The following MON2 variants were observed in gnomAD, a reference collection of about 807,000 sequenced individuals.
MON2 encodes MON2 regulator of endosome-to-Golgi trafficking.
MON2 carries 84 observed loss-of-function variants against 208.6 expected under a neutral mutation model. The observed-to-expected ratio is 0.40, with a 90% CI of 0.34 to 0.48. The LOEUF (loss-of-function observed/expected upper bound fraction) is 0.48. MON2 is among the 20% of genes least tolerant of loss of function. MON2 has a pLI of 0.59. For synonymous variants in MON2, 660 were observed against 694.0 expected, an observed-to-expected ratio of 0.95 and a Z score of 0.77; for missense variants, 1,611 against 2,015.4, an observed-to-expected ratio of 0.80 and a Z score of 3.84.
intron 3 of MON2, 49 bp downstream of exon 3, chr12:62,494,091 T>A: frequency 6.6e-7 from 1 of 1,522,188 alleles, no homozygotes. Context: ...GAATCAGAAG[T>A]TTTCATGAAA....
intron 23 of MON2, among the ~76,000 whole-genome samples, chr12:62,552,662 A>T (rs1263300275): frequency 6.6e-6 from 1 of 152,034 alleles, no homozygotes; most frequent in African/African-American, 2.4e-5. Flanking sequence ...AAAAAAAAAA[A>T]AGTTAGCTCA....
At chr12:62,564,106 C>T (rs2074288998) in intron 26 of MON2, among the ~76,000 whole-genome samples, 1 of 152,010 alleles carries the variant, frequency 6.6e-6, no homozygotes, top group Admixed American at 6.6e-5. Flanking sequence ...AATTATAGGA[C>T]AATCACACTT....
At chr12:62,502,407 T>TTA (rs2070888241) in intron 7 of MON2, among the ~76,000 whole-genome samples, 1 of 135,392 alleles carries the variant, frequency 7.4e-6, no homozygotes, top group Non-Finnish European at 1.6e-5. Context: ...TTTCTTAAAT[T>TTA]AAAAAAAAAA....
intron 11 of MON2, among the ~76,000 whole-genome samples, chr12:62,530,854 A>G (rs1250998450): frequency 1.3e-5 from 2 of 152,182 alleles, no homozygotes; most frequent in East Asian, 3.9e-4. Context: ...ATTCCTACCA[A>G]CAATGTGTGA....
At chr12:62,554,586 C>T (rs1243602035) in intron 24 of MON2, among the ~76,000 whole-genome samples, 1 of 152,140 alleles carries the variant, frequency 6.6e-6, no homozygotes, top group African/African-American at 2.4e-5. Context: ...CCTTGACCTG[C>T]CAGGCTCAAG....
intron 19 of MON2, among the ~76,000 whole-genome samples, chr12:62,541,385 A>C (rs2073232556): frequency 6.6e-6 from 1 of 152,026 alleles, no homozygotes; most frequent in African/African-American, 2.4e-5. Context: ...AAAAAAAAAA[A>C]AAAAAAAGAT....
chr12:62,580,476 CAGT>C, intron 32 of MON2, 56 bp downstream of exon 32: 1 of 1,438,682 alleles, frequency 7.0e-7, no homozygotes, highest in South Asian at 1.2e-5. Context: ...AAGAAACTGT[CAGT>C]AGAAATGTTT....
At chr12:62,540,803 C>T (rs1383034548) in intron 19 of MON2, among the ~76,000 whole-genome samples, 4 of 152,016 alleles carry the variant, frequency 2.6e-5, no homozygotes, top group African/African-American at 7.2e-5. Context: ...GAAAAGTATT[C>T]AACATAAACC....
intron 30 of MON2, among the ~76,000 whole-genome samples, chr12:62,575,682 A>G (rs983557403): frequency 3.9e-5 from 6 of 152,238 alleles, no homozygotes; most frequent in Non-Finnish European, 7.3e-5. Flanking sequence ...AGGGAATACA[A>G]TAACACAGAA....
rs1251661795 is a variant in MON2 at position 62,596,806 on chromosome 12, AGAT to A, written c.*4061_*4063del. The stretch of plus-strand genomic sequence containing the variant: ...AAAGTGTTTATAGATTCAGAAAGAG[AGAT>A]GATATCTTTGTATCTTGATTTATAT... On this transcript the variant is annotated 3_prime_UTR_variant, in exon 35 of 35. Transcript: ENST00000393630. 6.6e-6 allele frequency: 1 copy of A among 152,228 alleles called. No individual in the cohort carries two copies. The highest frequency in any genetic ancestry group is 1.5e-5 in the Non-Finnish European group (1 of 68,042). 9.4% of individuals were successfully genotyped at this position (152,228 alleles called of 1,614,324 possible). A position where few individuals can be genotyped will look rare whatever the true frequency, so the allele number is the denominator to read the frequency against.
intron 25 of MON2, among the ~76,000 whole-genome samples, chr12:62,557,928 T>TGATTTATATATATATATA (rs2074030423): frequency 2.2e-5 from 1 of 46,130 alleles, no homozygotes; most frequent in Non-Finnish European, 3.6e-5. Context: ...ACGAATAGAT[T>TGATTTATATATATATATA]TATATATATA....
Position 62,552,993 on chromosome 12 carries a change from G to A in MON2, c.3029G>A (p.Arg1010Gln), listed in dbSNP as rs776450110. The A allele has an allele frequency of 3.7e-5, 60 of 1,614,008 alleles. No individual in the cohort carries two copies. Among genetic ancestry groups the A allele is most frequent in the Non-Finnish European group, 4.9e-5 (58 of 1,180,018 alleles). ...QAEEKGVVLN[R>Q]PFHPAPPFDC... ...GAAGAGAAAGGAGTTGTTTTAAATCGGCCATTCCACCCTGCACCGCCATTT... is the reference window on the plus strand; with the variant it reads ...GAAGAGAAAGGAGTTGTTTTAAATCAGCCATTCCACCCTGCACCGCCATTT... Residue 1010 changes from arginine to glutamine, a missense_variant, in exon 24 of 35, where the codon CGG becomes CAG. Arg to Gln is a conservative substitution (Grantham distance 43). Coordinates refer to ENST00000393630, the MANE Select transcript of MON2 (RefSeq NM_015026.3).
At chr12:62,522,101 C>T (rs531466215) in intron 8 of MON2, among the ~76,000 whole-genome samples, 3 of 140,454 alleles carry the variant, frequency 2.1e-5, no homozygotes, top group Admixed American at 1.4e-4. Flanking sequence ...GCACAAGAAT[C>T]ACTTGAACCC....
At chr12:62,520,202 C>A (rs1440235459) in intron 8 of MON2, among the ~76,000 whole-genome samples, 1 of 152,152 alleles carries the variant, frequency 6.6e-6, no homozygotes, top group Non-Finnish European at 1.5e-5. Context: ...TCAAATGGAT[C>A]TTTTAGTCAT....
intron 25 of MON2, among the ~76,000 whole-genome samples, chr12:62,556,438 C>T (rs187601637): frequency 2.5e-3 from 378 of 152,194 alleles, no homozygotes; most frequent in Non-Finnish European, 4.3e-3. Flanking sequence ...TAAATAAAGG[C>T]GAAATTTCTA....
rs2075477699 is a variant in MON2, at chr12:62,594,358, A to C, written c.*1609A>C. ...TCTGTAAAATGTAGTAAGGTCTTTGAGGGGATATTTTTTATTTACATGAAT... is the reference window on the plus strand; with the variant it reads ...TCTGTAAAATGTAGTAAGGTCTTTGCGGGGATATTTTTTATTTACATGAAT... On this transcript the variant is annotated 3_prime_UTR_variant, in exon 35 of 35. Coordinates refer to ENST00000393630, the MANE Select transcript of MON2 (RefSeq NM_015026.3). 1 of 152,126 alleles carries C rather than the reference A, an allele frequency of 6.6e-6. No individual in the cohort carries two copies. Among genetic ancestry groups the C allele is most frequent in the Admixed American group, 6.6e-5 (1 of 15,266 alleles). 9.4% of individuals were successfully genotyped at this position (152,126 alleles called of 1,614,324 possible).
At chr12:62,508,647 G>C in intron 8 of MON2, 167 bp downstream of exon 8, 4 of 593,972 alleles carry the variant, frequency 6.7e-6, no homozygotes, top group Non-Finnish European at 1.2e-5. Flanking sequence ...ATCCTTTCTT[G>C]AATCTTGCTT....
At position 62,494,895 on chromosome 12, in the gene MON2, T is replaced by C. The variant is rs532354504; in HGVS notation, c.304-121T>C. On this transcript the variant is annotated intron_variant, in intron 3 of 34. Transcript: ENST00000393630. Reference sequence around the variant, plus strand: ...GGATCTAGAAATCTAAAAATATGGGTTTTGTTATTGTGATCAAGAAATCCT... The same window carrying C: ...GGATCTAGAAATCTAAAAATATGGGCTTTGTTATTGTGATCAAGAAATCCT... 6 of 613,474 alleles carry C rather than the reference T, an allele frequency of 9.8e-6. No individual in the cohort carries two copies. The South Asian group carries it at 2.2e-4, about 23-fold the overall frequency. 38.0% of individuals were successfully genotyped at this position (613,474 alleles called of 1,614,324 possible).
At chr12:62,576,604 G>A (rs2074795053) in intron 30 of MON2, among the ~76,000 whole-genome samples, 1 of 151,830 alleles carries the variant, frequency 6.6e-6, no homozygotes, top group Admixed American at 6.6e-5. Flanking sequence ...AAAGATTACT[G>A]TAGTTTTCAA....
Sources: gnomAD v4.1 joint callset for allele counts (sites outside exome capture counted in the v4.1 genomes callset) on GRCh38, gnomAD v4.1.1 for gene constraint, MANE v1.5 for transcripts, NCBI Gene and HGNC (gene_info 2026-07-23, HGNC 2026-07-21) for gene names.